The following BAIAP2 variants were observed in gnomAD, a reference collection of about 807,000 sequenced individuals.
The protein encoded by BAIAP2 is BAR/IMD domain containing adaptor protein 2.
BAIAP2 carries 18 observed loss-of-function variants against 63.0 expected under a neutral mutation model. The observed-to-expected ratio is 0.29, with a 90% CI of 0.20 to 0.42. The LOEUF (loss-of-function observed/expected upper bound fraction) is 0.42, where lower values mean the gene tolerates loss of function less well. Ranked by LOEUF, BAIAP2 falls within the 10% of genes least tolerant of loss-of-function variation. The probability of loss-of-function intolerance (pLI) is 1.00; values close to 1 mark genes in which losing one functional copy is unlikely to be tolerated. For synonymous variants in BAIAP2, 386 were observed against 307.6 expected (o/e 1.25, Z -2.67); for missense variants, 610 against 734.3 (o/e 0.83, Z 1.96).
At position 81,106,105 on chromosome 17, in the gene BAIAP2, C is replaced by T. The variant is rs2059152402; in HGVS notation, c.1296C>T (p.Thr432=). The T allele has an allele frequency of 1.3e-6, 2 of 1,583,266 alleles. No homozygotes were observed. Among genetic ancestry groups the T allele is most frequent in the Non-Finnish European group, 1.7e-6 (2 of 1,164,500 alleles). The part of the protein sequence containing the change: ...KMRGWFPFSY[T]RVLDSDGSDR... ...GGGGCTGGTTTCCCTTCTCCTACACCCGGGTCTTGGACAGCGATGGCAGTG... is the reference window on the plus strand; with the variant it reads ...GGGGCTGGTTTCCCTTCTCCTACACTCGGGTCTTGGACAGCGATGGCAGTG... The change falls in exon 11 of 14, where the codon ACC becomes ACT. Residue 432 remains threonine (T), a synonymous_variant. Coordinates refer to ENST00000428708, the MANE Select transcript of BAIAP2 (RefSeq NM_001144888.2).
intron 3 of BAIAP2, among the ~76,000 whole-genome samples, chr17:81,061,304 CTGTT>C (rs1390871988): frequency 1.3e-5 from 2 of 152,184 alleles, no homozygotes; most frequent in East Asian, 1.9e-4. Flanking sequence ...ATTATGATGA[CTGTT>C]TGTACAACTT....
intron 6 of BAIAP2, chr17:81,098,141 G>C: frequency 6.8e-7 from 1 of 1,460,378 alleles, no homozygotes; most frequent in South Asian, 1.4e-5. Context: ...AGGGACAGAG[G>C]CAGAGAGCCC....
intron 7 of BAIAP2, among the ~76,000 whole-genome samples, 167 bp from the exon 8 acceptor site, chr17:81,103,335 G>C (rs1181121790): frequency 6.6e-6 from 1 of 152,346 alleles, no homozygotes; most frequent in South Asian, 2.1e-4. Context: ...CCGCTTCTGT[G>C]GGTTGGGGTC....
chr17:81,106,187 G>A lies in BAIAP2; in HGVS notation c.1337+41G>A, dbSNP rs373828397. ...AACGGGAGTGTAAGATCCCCAGCTC[G>A]GGAGAGGGGCTGTGATGACACCAGG... On this transcript the variant is annotated intron_variant, in intron 11 of 13. Coordinates refer to ENST00000428708, the MANE Select transcript of BAIAP2 (RefSeq NM_001144888.2). 288 of 1,544,034 alleles carry A rather than the reference G, an allele frequency of 1.9e-4. No individual in the cohort carries two copies. In the African/African-American group the frequency reaches 3.1e-3, roughly 17 times the overall value.
chr17:81,056,193 C>T (rs1189762925), intron 2 of BAIAP2, among the ~76,000 whole-genome samples: 2 of 152,160 alleles, frequency 1.3e-5, no homozygotes, highest in Non-Finnish European at 2.9e-5. Flanking sequence ...CTGTGGTGAC[C>T]CCATGATCTC....
chr17:81,049,283 C>T (rs1306059036), intron 1 of BAIAP2, among the ~76,000 whole-genome samples: 3 of 152,244 alleles, frequency 2.0e-5, no homozygotes, highest in South Asian at 2.1e-4. Context: ...GTGCCTGTGG[C>T]CCCCCAGGAG....
intron 3 of BAIAP2, among the ~76,000 whole-genome samples, chr17:81,075,456 C>G (rs1362437731): frequency 2.0e-5 from 3 of 152,178 alleles, no homozygotes; most frequent in South Asian, 2.1e-4. Flanking sequence ...GGGCCGCCTT[C>G]CGGTGGGCTC....
intron 3 of BAIAP2, among the ~76,000 whole-genome samples, chr17:81,071,733 C>T (rs904593935): frequency 2.6e-5 from 4 of 152,248 alleles, no homozygotes; most frequent in Non-Finnish European, 4.4e-5. Context: ...GCGCGGGGGT[C>T]GGATGCCTTC....
intron 7 of BAIAP2, among the ~76,000 whole-genome samples, chr17:81,100,948 C>T (rs2058397386): frequency 1.3e-5 from 2 of 152,304 alleles, no homozygotes; most frequent in South Asian, 4.1e-4. Context: ...CCACATGCTG[C>T]TGCCCTCGTG....
At chr17:81,050,214 T>A (rs539965037) in intron 1 of BAIAP2, among the ~76,000 whole-genome samples, 1 of 151,312 alleles carries the variant, frequency 6.6e-6, no homozygotes, top group Admixed American at 6.6e-5. Flanking sequence ...GGAAGGGGAG[T>A]CCCCCCTTAC....
rs2049853116 is a variant in BAIAP2 at position 81,057,863 on chromosome 17, CCTTTT to C, written c.131-14_131-10del. 1.2e-6 allele frequency: 2 copies of C among 1,605,402 alleles called. No homozygotes were observed. Among genetic ancestry groups the C allele is most frequent in the Admixed American group, 1.7e-5 (1 of 59,156 alleles). On this transcript the variant is annotated splice_polypyrimidine_tract_variant and intron_variant, in intron 2 of 13. Coordinates refer to ENST00000428708, the MANE Select transcript of BAIAP2 (RefSeq NM_001144888.2). ...TCCCTCGTGGAGGAAATAACTGCTC[CCTTTT>C]CTTCTCTCTCAGGTGTGACGTATGC...
At chr17:81,038,851 G>A (rs2046668091) in intron 1 of BAIAP2, among the ~76,000 whole-genome samples, 1 of 151,386 alleles carries the variant, frequency 6.6e-6, no homozygotes, top group South Asian at 2.1e-4. Flanking sequence ...TCTCTGACAG[G>A]CACCTCCTGC....
chr17:81,078,766 C>T (rs186060230), intron 3 of BAIAP2, among the ~76,000 whole-genome samples: 7 of 152,204 alleles, frequency 4.6e-5, no homozygotes, highest in African/African-American at 1.4e-4. Flanking sequence ...CTCCGCTCCT[C>T]TCTGGCTGTG....
At chr17:81,055,574 G>GTTGTTGTTTTTTGTTTTTT (rs2049367558) in intron 2 of BAIAP2, among the ~76,000 whole-genome samples, 12 of 123,410 alleles carry the variant, frequency 9.7e-5, no homozygotes, top group South Asian at 5.6e-4. Context: ...AGGGTGTTTT[G>GTTGTTGTTTTTTGTTTTTT]TTTTTTTTTG....
intron 1 of BAIAP2, among the ~76,000 whole-genome samples, chr17:81,049,464 G>A (rs528730239): frequency 6.6e-6 from 1 of 152,198 alleles, no homozygotes; most frequent in South Asian, 2.1e-4. Flanking sequence ...GGTTTTTCTG[G>A]GTTTTTTGCA....
At chr17:81,096,980 G>A (rs982853325) in intron 6 of BAIAP2, among the ~76,000 whole-genome samples, 12 of 151,916 alleles carry the variant, frequency 7.9e-5, no homozygotes, top group Admixed American at 6.6e-4. Flanking sequence ...AGAAAGGAGA[G>A]GAGGAGGAGG....
chr17:81,064,138 CCTT>C (rs143860115), intron 3 of BAIAP2, among the ~76,000 whole-genome samples: 7,420 of 152,324 alleles, frequency 0.049, 188 homozygotes, highest in Middle Eastern at 0.14. Flanking sequence ...CCCTGGCTGC[CCTT>C]CTTCCTCCTC....
chr17:81,074,847 T>C (rs115848256), intron 3 of BAIAP2, among the ~76,000 whole-genome samples: 2,119 of 152,142 alleles, frequency 0.014, 54 homozygotes, highest in African/African-American at 0.049. Flanking sequence ...ACAGAAAGAG[T>C]GGTGAAGCGA....
At chr17:81,086,399 G>C in intron 5 of BAIAP2, 44 bp from the exon 6 acceptor site, 1 of 1,605,404 alleles carries the variant, frequency 6.2e-7, no homozygotes, top group Non-Finnish European at 8.5e-7. Context: ...GCGCTGCGTT[G>C]GGTTCATGGG....
Sources: gnomAD v4.1 joint callset for allele counts (sites outside exome capture counted in the v4.1 genomes callset) on GRCh38, gnomAD v4.1.1 for gene constraint, MANE v1.5 for transcripts, NCBI Gene and HGNC (gene_info 2026-07-23, HGNC 2026-07-21) for gene names.